The following SNTG1 variants were observed in gnomAD, a reference collection of about 807,000 sequenced individuals.
SNTG1 encodes syntrophin gamma 1, also known as gamma-1-syntrophin.
In SNTG1, 39 loss-of-function variants were observed where a neutral mutation model predicts 74.7. That is an observed-to-expected ratio of 0.52 (90% CI 0.40 to 0.68). The LOEUF is 0.68. Among genes scored for constraint, SNTG1 ranks in the 30% least tolerant of loss-of-function variants. SNTG1 has a pLI of 0.00. For synonymous variants in SNTG1, 254 were observed against 217.1 expected (o/e 1.17, Z -1.49); for missense variants, 685 against 609.5 (o/e 1.12, Z -1.30).
intron 2 of SNTG1, among the ~76,000 whole-genome samples, chr8:50,286,083 A>G (rs980866882): frequency 1.3e-5 from 2 of 151,764 alleles, no homozygotes; most frequent in Admixed American, 6.6e-5. Flanking sequence ...TTCTCACTAT[A>G]TGTATAACTT....
intron 8 of SNTG1, among the ~76,000 whole-genome samples, chr8:50,474,638 AC>A (rs780753219): frequency 6.6e-6 from 1 of 152,160 alleles, no homozygotes; most frequent in Non-Finnish European, 1.5e-5. Context: ...GGGACTGTAA[AC>A]TAGTTCAAAT....
intron 9 of SNTG1, 116 bp downstream of exon 9, chr8:50,502,996 C>T (rs899610783): frequency 5.3e-6 from 4 of 752,184 alleles, no homozygotes; most frequent in Admixed American, 5.4e-5. Context: ...TGACTGTAAA[C>T]ATTTTTATAT....
chr8:49,985,639 T>A (rs1813085138), intron 1 of SNTG1, among the ~76,000 whole-genome samples: 1 of 152,116 alleles, frequency 6.6e-6, no homozygotes, highest in Admixed American at 6.5e-5. Flanking sequence ...ATAAAATAAA[T>A]ACAGTTAAAT....
At chr8:49,934,300 TATCTATC>T (rs1336106818) in intron 1 of SNTG1, among the ~76,000 whole-genome samples, 2 of 149,608 alleles carry the variant, frequency 1.3e-5, no homozygotes, top group Non-Finnish European at 2.9e-5. Context: ...TCTATCTATC[TATCTATC>T]TATCTATCTA....
intron 2 of SNTG1, among the ~76,000 whole-genome samples, chr8:50,239,574 C>T (rs1031000598): frequency 2.6e-5 from 4 of 152,150 alleles, no homozygotes; most frequent in Non-Finnish European, 5.9e-5. Flanking sequence ...GACCAGTTGG[C>T]AATGGAATTT....
intron 2 of SNTG1, among the ~76,000 whole-genome samples, chr8:50,308,169 A>G (rs1239223559): frequency 6.6e-6 from 1 of 151,776 alleles, no homozygotes; most frequent in African/African-American, 2.4e-5. Context: ...AGATGGTCCC[A>G]GCACCTTCAG....
At chr8:50,209,880 T>C (rs1190630064) in intron 2 of SNTG1, among the ~76,000 whole-genome samples, 1 of 151,838 alleles carries the variant, frequency 6.6e-6, no homozygotes, top group Non-Finnish European at 1.5e-5. Context: ...AATGACTTTG[T>C]TGAGTTGAGA....
At chr8:50,038,075 T>C (rs1818311776) in intron 1 of SNTG1, among the ~76,000 whole-genome samples, 1 of 152,158 alleles carries the variant, frequency 6.6e-6, no homozygotes, top group African/African-American at 2.4e-5. Flanking sequence ...TCAGCCTTGT[T>C]CTTTCTTATG....
intron 2 of SNTG1, among the ~76,000 whole-genome samples, chr8:50,326,245 T>G (rs2090742609): frequency 1.3e-5 from 2 of 152,066 alleles, no homozygotes; most frequent in Admixed American, 1.3e-4. Context: ...CAATTCTGCC[T>G]TCTGGAAATG....
intron 1 of SNTG1, among the ~76,000 whole-genome samples, chr8:50,101,608 G>A (rs1357122074): frequency 1.3e-5 from 2 of 151,808 alleles, no homozygotes; most frequent in Non-Finnish European, 2.9e-5. Context: ...TGCACAATGT[G>A]CAGGTTAGTT....
At chr8:50,750,409 T>C (rs1187504981) in intron 17 of SNTG1, among the ~76,000 whole-genome samples, 1 of 152,062 alleles carries the variant, frequency 6.6e-6, no homozygotes, top group Non-Finnish European at 1.5e-5. Flanking sequence ...AATATTACAT[T>C]AATTTAGTTG....
At chr8:50,094,058 G>A (rs371183116) in intron 1 of SNTG1, among the ~76,000 whole-genome samples, 10 of 152,202 alleles carry the variant, frequency 6.6e-5, no homozygotes, top group East Asian at 1.9e-4. Context: ...GGCAGTATGC[G>A]GCTTGAAGAT....
At chr8:50,518,506 A>G (rs1292908474) in intron 9 of SNTG1, among the ~76,000 whole-genome samples, 1 of 152,194 alleles carries the variant, frequency 6.6e-6, no homozygotes, top group Non-Finnish European at 1.5e-5. Flanking sequence ...CAAAAAATCA[A>G]TGAATCCAGG....
intron 2 of SNTG1, among the ~76,000 whole-genome samples, chr8:50,194,234 C>A: frequency 6.6e-6 from 1 of 152,056 alleles, no homozygotes; most frequent in East Asian, 1.9e-4. Flanking sequence ...GAATAGTGTT[C>A]AATAAGATTG....
At chr8:50,646,117 A>G (rs552135568) in intron 13 of SNTG1, among the ~76,000 whole-genome samples, 29 of 152,336 alleles carry the variant, frequency 1.9e-4, no homozygotes, top group South Asian at 4.1e-4. Flanking sequence ...ATGTTTATCA[A>G]GAGCCCATCA....
intron 4 of SNTG1, among the ~76,000 whole-genome samples, chr8:50,427,706 C>T (rs918253919): frequency 6.6e-6 from 1 of 152,186 alleles, no homozygotes; most frequent in Non-Finnish European, 1.5e-5. Flanking sequence ...GGATTAAAGG[C>T]ATGAGTCACT....
intron 2 of SNTG1, among the ~76,000 whole-genome samples, chr8:50,241,827 G>T (rs1393013234): frequency 6.6e-6 from 1 of 152,100 alleles, no homozygotes; most frequent in Admixed American, 6.6e-5. Flanking sequence ...CAGCTCGGAA[G>T]TGCCTCAGAG....
At chr8:50,663,949 C>T (rs923164632) in intron 15 of SNTG1, among the ~76,000 whole-genome samples, 1 of 152,058 alleles carries the variant, frequency 6.6e-6, no homozygotes, top group Non-Finnish European at 1.5e-5. Flanking sequence ...CTTACATAAA[C>T]AGCAATTCTA....
chr8:50,746,818 A>G (rs901948892), intron 17 of SNTG1, among the ~76,000 whole-genome samples: 7 of 147,830 alleles, frequency 4.7e-5, no homozygotes, highest in Non-Finnish European at 1.0e-4. Context: ...ATTTGCATAT[A>G]CATATTGTAA....
Sources: allele counts gnomAD v4.1 joint callset (sites outside exome capture counted in the v4.1 genomes callset), GRCh38; gene constraint gnomAD v4.1.1; transcripts MANE v1.5; gene names NCBI Gene and HGNC (gene_info 2026-07-23, HGNC 2026-07-21).